CYRIB: variants seen among roughly 807,000 people sequenced by gnomAD.
CYRIB encodes CYFIP-related Rac1 interactor B.
A neutral mutation model predicts 44.2 loss-of-function variants in CYRIB; 8 were observed. That is an observed-to-expected ratio of 0.18 (90% CI 0.11 to 0.33). The LOEUF (loss-of-function observed/expected upper bound fraction) is 0.33, where lower values mean the gene tolerates loss of function less well. Ranked by LOEUF, CYRIB falls within the 10% of genes least tolerant of loss-of-function variation. CYRIB has a pLI of 1.00. For synonymous variants in CYRIB, 131 were observed against 127.2 expected (o/e 1.03, Z -0.20); for missense variants, 185 against 382.8 (o/e 0.48, Z 4.31).
intron 6 of CYRIB, among the ~76,000 whole-genome samples, chr8:129,855,136 C>T (rs1375551524): frequency 6.6e-6 from 1 of 152,014 alleles, no homozygotes; most frequent in African/African-American, 2.4e-5. Context: ...AATTTTTAAA[C>T]AAGGTTAAAT....
At chr8:130,002,188 C>T (rs543968791) in intron 1 of CYRIB, among the ~76,000 whole-genome samples, 1 of 152,326 alleles carries the variant, frequency 6.6e-6, no homozygotes, top group South Asian at 2.1e-4. Context: ...AGGCCAAGCT[C>T]AGTGGCTCAC....
At chr8:129,941,670 A>G (rs1013818688), upstream of CYRIB, among the ~76,000 whole-genome samples, 12 of 152,324 alleles carry the variant, frequency 7.9e-5, no homozygotes, top group African/African-American at 2.6e-4. Flanking sequence ...CCAACCTCAG[A>G]TAACCTGGGT....
chr8:129,883,373 A>T lies in CYRIB; in HGVS notation c.-10-3902T>A, dbSNP rs147944455. Reference sequence around the variant, plus strand: ...TGGGGGCAAAATCACCCGACTGAGAATCACTACAACTGTTGTCCAGCGCAA... The same window carrying T: ...TGGGGGCAAAATCACCCGACTGAGATTCACTACAACTGTTGTCCAGCGCAA... On this transcript the variant is annotated intron_variant, in intron 2 of 11. Coordinates refer to ENST00000519824, the Ensembl canonical transcript of CYRIB. Among the ~76,000 whole-genome samples the T allele has an allele frequency of 3.5e-3, 536 of 152,206 alleles. 6 individuals carry two copies. Among genetic ancestry groups the T allele is most frequent in the African/African-American group, 0.013 (521 of 41,530 alleles).
chr8:129,979,878 G>A (rs555039391), intron 1 of CYRIB, among the ~76,000 whole-genome samples: 4 of 152,186 alleles, frequency 2.6e-5, no homozygotes, highest in Admixed American at 2.0e-4. Flanking sequence ...CCGAGATCAC[G>A]CCATTGCACT....
chr8:129,911,895 T>C (rs2078239130), intron 1 of CYRIB, among the ~76,000 whole-genome samples: 2 of 152,140 alleles, frequency 1.3e-5, no homozygotes, highest in African/African-American at 4.8e-5. Context: ...CTCAGCTAAG[T>C]TTTGGAACAT....
At chr8:129,967,408 C>T (rs1370519219) in intron 2 of CYRIB, among the ~76,000 whole-genome samples, 18 of 148,940 alleles carry the variant, frequency 1.2e-4, no homozygotes, top group African/African-American at 4.5e-4. Context: ...GAGATGGAGT[C>T]TTGCTCTGTC....
chr8:129,862,212 C>G lies in CYRIB; in HGVS notation c.301+17G>C. 2 of 1,568,370 alleles carry G rather than the reference C, an allele frequency of 1.3e-6. No homozygotes were observed. The highest frequency in any genetic ancestry group is 1.8e-6 in the Non-Finnish European group (2 of 1,141,108). On this transcript the variant is annotated intron_variant, in intron 5 of 11. Coordinates refer to ENST00000519824, the Ensembl canonical transcript of CYRIB. ...TTTTTCACTAGGGAAGTCACAATTACAAAACTTTCAACTTACCTAACCTCT... is the reference window on the plus strand; with the variant it reads ...TTTTTCACTAGGGAAGTCACAATTAGAAAACTTTCAACTTACCTAACCTCT...
intron 4 of CYRIB, among the ~76,000 whole-genome samples, chr8:129,869,861 A>G (rs1171576692): frequency 6.6e-6 from 1 of 152,088 alleles, no homozygotes; most frequent in East Asian, 1.9e-4. Context: ...GTACAGAGAT[A>G]AACACTCAAT....
upstream of CYRIB, among the ~76,000 whole-genome samples, chr8:129,942,542 T>C (rs1266761246): frequency 5.9e-5 from 9 of 152,228 alleles, no homozygotes; most frequent in Admixed American, 5.9e-4. Flanking sequence ...AAGTGCTGAA[T>C]TTATTCTTCT....
chr8:130,002,030 C>T (rs978847215), intron 1 of CYRIB, among the ~76,000 whole-genome samples: 4 of 152,152 alleles, frequency 2.6e-5, no homozygotes, highest in Non-Finnish European at 5.9e-5. Flanking sequence ...CAGGCCTGTC[C>T]GTATTTCACC....
intron 1 of CYRIB, among the ~76,000 whole-genome samples, chr8:129,911,185 T>C (rs867088660): frequency 6.6e-6 from 1 of 152,192 alleles, no homozygotes; most frequent in African/African-American, 2.4e-5. Context: ...TTCCTATGTT[T>C]TAGACACTGT....
At chr8:129,937,213 C>G (rs1379080482) in intron 1 of CYRIB, among the ~76,000 whole-genome samples, 3 of 152,186 alleles carry the variant, frequency 2.0e-5, no homozygotes, top group Admixed American at 6.5e-5. Flanking sequence ...GGTGTAGTTA[C>G]AGAAAAGAAG....
intron 2 of CYRIB, chr8:129,948,893 T>C (rs545669867): frequency 7.2e-5 from 11 of 152,310 alleles, no homozygotes; most frequent in African/African-American, 2.2e-4. Context: ...GAGGAGACCC[T>C]GTATGTAGAA....
At chr8:129,947,052 TTTTA>T (rs1397482876) in intron 2 of CYRIB, among the ~76,000 whole-genome samples, 5 of 136,506 alleles carry the variant, frequency 3.7e-5, no homozygotes, top group Admixed American at 3.6e-4. Flanking sequence ...ACTCTAATTC[TTTTA>T]TTTATTTATT....
At chr8:129,893,917 A>G (rs1314218843) in intron 2 of CYRIB, among the ~76,000 whole-genome samples, 3 of 152,050 alleles carry the variant, frequency 2.0e-5, no homozygotes, top group South Asian at 2.1e-4. Context: ...CATAAACAAT[A>G]CAGTATTGTT....
chr8:129,920,205 C>T (rs2082860667), intron 1 of CYRIB, among the ~76,000 whole-genome samples: 1 of 151,920 alleles, frequency 6.6e-6, no homozygotes, highest in African/African-American at 2.4e-5. Flanking sequence ...GTTAAATGTC[C>T]TATGAAGTGG....
At chr8:129,973,574 G>A (rs1432804082) in intron 1 of CYRIB, among the ~76,000 whole-genome samples, 1 of 152,220 alleles carries the variant, frequency 6.6e-6, no homozygotes, top group Non-Finnish European at 1.5e-5. Context: ...AGGACAAGGG[G>A]AGTCCCAACC....
At chr8:129,879,816 T>G in intron 2 of CYRIB, 1 of 209,412 alleles carries the variant, frequency 4.8e-6, no homozygotes, top group Non-Finnish European at 9.6e-6. Context: ...TGATCAAGAA[T>G]TATTTACATG....
At chr8:129,957,062 G>A (rs940614287) in intron 2 of CYRIB, among the ~76,000 whole-genome samples, 2 of 151,984 alleles carry the variant, frequency 1.3e-5, no homozygotes, top group Non-Finnish European at 2.9e-5. Context: ...GGGTCTTGCT[G>A]TGTTGCTAGG....
Sources: allele counts gnomAD v4.1 joint callset (sites outside exome capture counted in the v4.1 genomes callset), GRCh38; gene constraint gnomAD v4.1.1; transcripts MANE v1.5; gene names NCBI Gene and HGNC (gene_info 2026-07-23, HGNC 2026-07-21).